The following PCDH15 variants were observed in gnomAD, a reference collection of about 807,000 sequenced individuals.
The protein encoded by PCDH15 is protocadherin related 15, also known as protocadherin-15.
In PCDH15, 129 loss-of-function variants were observed where a neutral mutation model predicts 178.5. That is an observed-to-expected ratio of 0.72 (90% CI 0.63 to 0.84). The LOEUF (loss-of-function observed/expected upper bound fraction) is 0.84. Among genes scored for constraint, PCDH15 ranks in the 40% least tolerant of loss-of-function variants. PCDH15 has a pLI of 0.00. For synonymous variants in PCDH15, 800 were observed against 732.0 expected (o/e 1.09, Z -1.50); for missense variants, 2,230 against 2,099.9 (o/e 1.06, Z -1.21).
intron 3 of PCDH15, among the ~76,000 whole-genome samples, chr10:54,488,686 T>C (rs996583268): frequency 6.6e-6 from 1 of 151,950 alleles, no homozygotes; most frequent in Non-Finnish European, 1.5e-5. Context: ...ATGAGAGCAG[T>C]TTTATCCTAA....
chr10:54,009,484 G>C (rs567377020), intron 20 of PCDH15, among the ~76,000 whole-genome samples: 1 of 152,266 alleles, frequency 6.6e-6, no homozygotes, highest in Non-Finnish European at 1.5e-5. Flanking sequence ...TCCAGGTCAA[G>C]TGTAAAAAAA....
intron 8 of PCDH15, among the ~76,000 whole-genome samples, chr10:54,252,051 G>A (rs2056522947): frequency 6.6e-6 from 1 of 152,110 alleles, no homozygotes; most frequent in East Asian, 1.9e-4. Flanking sequence ...TTGAAACTGT[G>A]TATTAAGCGA....
At chr10:54,816,416 C>A (rs1952950942) in intron 3 of PCDH15, among the ~76,000 whole-genome samples, 1 of 151,918 alleles carries the variant, frequency 6.6e-6, no homozygotes. Context: ...CATTTCAAGG[C>A]ACTTTATTAG....
At chr10:53,971,097 G>C (rs1418713988) in intron 21 of PCDH15, among the ~76,000 whole-genome samples, 1 of 152,162 alleles carries the variant, frequency 6.6e-6, no homozygotes, top group Admixed American at 6.5e-5. Flanking sequence ...CCACAATCAA[G>C]TGGGCCTCAT....
intron 8 of PCDH15, among the ~76,000 whole-genome samples, chr10:54,307,104 G>GTATA (rs1170885233): frequency 0.026 from 695 of 26,508 alleles, 153 homozygotes; most frequent in Non-Finnish European, 0.035. Context: ...GTGTGTGTGT[G>GTATA]TATATATATA....
intron 2 of PCDH15, among the ~76,000 whole-genome samples, chr10:55,124,670 A>G (rs1437852841): frequency 6.6e-6 from 1 of 152,126 alleles, no homozygotes; most frequent in Non-Finnish European, 1.5e-5. Context: ...TATTAAATAT[A>G]ACTAAATGGC....
intron 3 of PCDH15, among the ~76,000 whole-genome samples, chr10:54,422,812 C>A (rs1488172910): frequency 3.3e-5 from 5 of 152,134 alleles, no homozygotes; most frequent in Admixed American, 1.3e-4. Flanking sequence ...TCAGTTAGGG[C>A]AGCAGAGAAC....
intron 2 of PCDH15, among the ~76,000 whole-genome samples, chr10:55,392,148 T>C (rs1011882368): frequency 2.6e-5 from 4 of 152,130 alleles, no homozygotes; most frequent in Admixed American, 1.3e-4. Context: ...ATAGTAACAT[T>C]AAAGATCACT....
At chr10:54,975,476 A>G (rs1359098089) in intron 2 of PCDH15, among the ~76,000 whole-genome samples, 1 of 152,154 alleles carries the variant, frequency 6.6e-6, no homozygotes, top group African/African-American at 2.4e-5. Flanking sequence ...GTGTGAACTG[A>G]CTGTTAATAT....
chr10:54,611,417 TA>T (rs2092957348), intron 2 of PCDH15, among the ~76,000 whole-genome samples: 1 of 151,890 alleles, frequency 6.6e-6, no homozygotes, highest in Non-Finnish European at 1.5e-5. Context: ...GCATGTGCTG[TA>T]AAAATCCTTT....
rs1030855432 is a variant in PCDH15 at position 54,023,200 on chromosome 10, A to G, written c.2221-3T>C. On this transcript the variant is annotated splice_polypyrimidine_tract_variant and splice_region_variant and intron_variant, in intron 18 of 37. Transcript: ENST00000644397. ...ATTCCAGCATCAGGGTCTGTTGCCT[A>G]TTAAATAAAACAAAAAAACAAAAAA... 2 of 1,612,370 alleles carry G rather than the reference A, an allele frequency of 1.2e-6. No individual in the cohort carries two copies. Among genetic ancestry groups the G allele is most frequent in the African/African-American group, 2.7e-5 (2 of 74,914 alleles).
intron 2 of PCDH15, among the ~76,000 whole-genome samples, chr10:55,626,680 C>G (rs183934968): frequency 6.6e-6 from 1 of 152,146 alleles, no homozygotes; most frequent in Non-Finnish European, 1.5e-5. Context: ...CCTTTTCTAA[C>G]AATTCATGTA....
At chr10:54,297,391 A>C (rs952574116) in intron 8 of PCDH15, among the ~76,000 whole-genome samples, 12 of 152,158 alleles carry the variant, frequency 7.9e-5, no homozygotes, top group Admixed American at 6.5e-5. Flanking sequence ...TATAAGTTAC[A>C]ATACTATCCT....
At chr10:54,203,335 C>CATT in intron 10 of PCDH15, among the ~76,000 whole-genome samples, 1 of 152,240 alleles carries the variant, frequency 6.6e-6, no homozygotes, top group Non-Finnish European at 1.5e-5. Flanking sequence ...CTTGACATTC[C>CATT]ATTATTCATA....
At chr10:55,348,045 T>G (rs1339460379) in intron 2 of PCDH15, among the ~76,000 whole-genome samples, 1 of 152,056 alleles carries the variant, frequency 6.6e-6, no homozygotes. Flanking sequence ...ATACAAAAAT[T>G]TCCATGAGTA....
intron 2 of PCDH15, among the ~76,000 whole-genome samples, chr10:55,485,348 C>T (rs1406021422): frequency 6.6e-6 from 1 of 151,644 alleles, no homozygotes; most frequent in African/African-American, 2.4e-5. Flanking sequence ...TGCTTAAGGT[C>T]ATCACCAAGG....
chr10:54,680,554 T>C (rs1217412906), intron 1 of PCDH15, among the ~76,000 whole-genome samples: 1 of 152,180 alleles, frequency 6.6e-6, no homozygotes, highest in African/African-American at 2.4e-5. Context: ...GCTTTGGTTG[T>C]GTCCCCACCC....
intron 2 of PCDH15, among the ~76,000 whole-genome samples, chr10:55,439,863 TC>T (rs368090967): frequency 1.6e-3 from 249 of 151,824 alleles, no homozygotes; most frequent in African/African-American, 5.6e-3. Flanking sequence ...AAACAGAATT[TC>T]CCAAAGAAAA....
intron 2 of PCDH15, among the ~76,000 whole-genome samples, chr10:54,994,595 G>T (rs1012661720): frequency 6.6e-6 from 1 of 151,720 alleles, no homozygotes; most frequent in Admixed American, 6.6e-5. Flanking sequence ...TATAAATTTT[G>T]GTTATAACTA....
Sources: allele counts gnomAD v4.1 joint callset (sites outside exome capture counted in the v4.1 genomes callset), GRCh38; gene constraint gnomAD v4.1.1; transcripts MANE v1.5; gene names NCBI Gene and HGNC (gene_info 2026-07-23, HGNC 2026-07-21).